The following PRKCE variants were observed in gnomAD, a reference collection of about 807,000 sequenced individuals.
PRKCE encodes protein kinase C epsilon type.
PRKCE carries 16 observed loss-of-function variants against 85.4 expected under a neutral mutation model. That is an observed-to-expected ratio of 0.19 (90% CI 0.13 to 0.28). The LOEUF (loss-of-function observed/expected upper bound fraction) is 0.28, where lower values mean the gene tolerates loss of function less well. PRKCE is among the 10% of genes least tolerant of loss of function. The pLI is 1.00. For missense variants in PRKCE, 573 were observed against 975.2 expected (o/e 0.59, Z 5.49); for synonymous variants, 388 against 371.5 (o/e 1.04, Z -0.51).
At chr2:46,181,593 A>C (rs1410954271) in intron 14 of PRKCE, among the ~76,000 whole-genome samples, 5 of 152,226 alleles carry the variant, frequency 3.3e-5, no homozygotes, top group African/African-American at 1.2e-4. Context: ...TCACAACAGC[A>C]AGTCGTGAAA....
intron 6 of PRKCE, among the ~76,000 whole-genome samples, chr2:45,992,284 G>T (rs767547863): frequency 6.6e-5 from 10 of 152,176 alleles, no homozygotes; most frequent in Admixed American, 6.5e-4. Flanking sequence ...TGAAAATTCA[G>T]TCTGAGCTTT....
intron 10 of PRKCE, among the ~76,000 whole-genome samples, chr2:46,058,771 C>T (rs1284000098): frequency 1.3e-5 from 2 of 152,230 alleles, no homozygotes; most frequent in Non-Finnish European, 2.9e-5. Flanking sequence ...ACACGGCTCA[C>T]TGCAGCCTCA....
At chr2:46,064,280 C>CAA (rs58347072) in intron 10 of PRKCE, among the ~76,000 whole-genome samples, 81 of 90,580 alleles carry the variant, frequency 8.9e-4, no homozygotes, top group East Asian at 1.4e-3. Flanking sequence ...GACTCTGTCT[C>CAA]AAAAAAAAAA....
chr2:45,708,495 G>T (rs1340971014), intron 1 of PRKCE, among the ~76,000 whole-genome samples: 1 of 152,146 alleles, frequency 6.6e-6, no homozygotes, highest in Non-Finnish European at 1.5e-5. Context: ...TTTATAAGGG[G>T]GAGTTTCCCT....
At chr2:45,715,119 A>G (rs751275079) in intron 1 of PRKCE, among the ~76,000 whole-genome samples, 1 of 152,252 alleles carries the variant, frequency 6.6e-6, no homozygotes, top group Non-Finnish European at 1.5e-5. Flanking sequence ...GGTTGAATGC[A>G]TAACTCATTC....
At chr2:45,856,419 C>T (rs544433577) in intron 2 of PRKCE, among the ~76,000 whole-genome samples, 4 of 152,174 alleles carry the variant, frequency 2.6e-5, no homozygotes, top group South Asian at 4.2e-4. Flanking sequence ...TTGGTAGAGA[C>T]GGATTTTCAC....
intron 14 of PRKCE, among the ~76,000 whole-genome samples, chr2:46,183,554 G>A (rs1473976801): frequency 6.6e-6 from 1 of 152,160 alleles, no homozygotes; most frequent in East Asian, 1.9e-4. Flanking sequence ...TCTGTGCTGT[G>A]GGGGAGAGGG....
intron 2 of PRKCE, among the ~76,000 whole-genome samples, chr2:45,919,565 C>T (rs1204723464): frequency 6.6e-6 from 1 of 152,244 alleles, no homozygotes; most frequent in Non-Finnish European, 1.5e-5. Flanking sequence ...ACGGCACATT[C>T]TGTGCTGTTT....
At chr2:45,655,353 A>ATT (rs66793925) in intron 1 of PRKCE, among the ~76,000 whole-genome samples, 81 of 145,258 alleles carry the variant, frequency 5.6e-4, no homozygotes, top group African/African-American at 1.7e-3. Context: ...GTTTTTTTGC[A>ATT]TTTTTTTTTT....
chr2:45,851,030 C>T (rs1471326048), intron 2 of PRKCE, among the ~76,000 whole-genome samples: 1 of 152,220 alleles, frequency 6.6e-6, no homozygotes, highest in Non-Finnish European at 1.5e-5. Context: ...ACTGGTAGGG[C>T]AGGGTGCTGT....
At chr2:45,685,769 C>T (rs1215351164) in intron 1 of PRKCE, among the ~76,000 whole-genome samples, 2 of 152,222 alleles carry the variant, frequency 1.3e-5, no homozygotes, top group Admixed American at 6.5e-5. Context: ...CTCAGGCTTT[C>T]GTGGACTGGG....
In PRKCE at chr2:45,747,844, C is replaced by G. The variant is rs141503414; in HGVS notation, c.349-95156C>G. Among the ~76,000 whole-genome samples the G allele has an allele frequency of 5.0e-3, 764 of 152,276 alleles. 4 individuals are homozygous for G. The highest frequency in any genetic ancestry group is 0.018 in the African/African-American group (729 of 41,552). On this transcript the variant is annotated intron_variant, in intron 1 of 14. Transcript: ENST00000306156. Reference sequence around the variant, plus strand: ...TGACAATGCACAAGGGTTCTAATTTCTCCACATCCTCACCAACACTTAGTC... The same window carrying G: ...TGACAATGCACAAGGGTTCTAATTTGTCCACATCCTCACCAACACTTAGTC...
intron 2 of PRKCE, among the ~76,000 whole-genome samples, chr2:45,943,213 A>C (rs1348603798): frequency 6.6e-6 from 1 of 152,242 alleles, no homozygotes; most frequent in African/African-American, 2.4e-5. Flanking sequence ...GTTAAAGGAC[A>C]CAATTAAATA....
intron 2 of PRKCE, among the ~76,000 whole-genome samples, chr2:45,927,655 A>C (rs1482805751): frequency 1.1e-4 from 16 of 152,216 alleles, no homozygotes; most frequent in Admixed American, 1.0e-3. Context: ...GGAGGATTTC[A>C]TCTCCAGAAC....
intron 1 of PRKCE, among the ~76,000 whole-genome samples, chr2:45,703,019 T>G (rs1379530912): frequency 3.2e-5 from 4 of 123,896 alleles, no homozygotes; most frequent in Non-Finnish European, 5.2e-5. Context: ...GAAAGCCTTT[T>G]TTCCCCCCCC....
intron 2 of PRKCE, among the ~76,000 whole-genome samples, chr2:45,897,059 C>T (rs541108089): frequency 1.3e-5 from 2 of 152,232 alleles, no homozygotes; most frequent in South Asian, 2.1e-4. Flanking sequence ...GCATGGGTGA[C>T]AGAACAAGAT....
rs1432502666 is a variant in PRKCE, at chr2:46,159,137, T to TA, written c.1921-468dup. ...TACATTTGATCATTTACCTGGTCCT[T>TA]ATTCCTTATCTCAAAAAGGACCGTT... On this transcript the variant is annotated intron_variant, in intron 13 of 14. Transcript: ENST00000306156. The surrounding 1 kb of genome is among the most constrained non-coding windows in gnomAD (Gnocchi z 4.1). Among the ~76,000 whole-genome samples the TA allele has an allele frequency of 1.3e-5, 2 of 152,186 alleles. No homozygotes were observed. Among genetic ancestry groups the TA allele is most frequent in the Non-Finnish European group, 2.9e-5 (2 of 68,020 alleles).
rs79806956 is a variant in PRKCE, at chr2:45,907,538, G to A, written c.412+64475G>A. Reference sequence around the variant, plus strand: ...CATCGCAGGCCCTGTTCATCTCTCCGGGCAGTGGCATAGCAGGCAGTGAGC... The same window carrying A: ...CATCGCAGGCCCTGTTCATCTCTCCAGGCAGTGGCATAGCAGGCAGTGAGC... On this transcript the variant is annotated intron_variant, in intron 2 of 14. Transcript: ENST00000306156. The surrounding 1 kb of genome is among the most constrained non-coding windows in gnomAD (Gnocchi z 4.5). Among the ~76,000 whole-genome samples the A allele has an allele frequency of 0.053, 8,094 of 152,256 alleles. 248 individuals carry two copies. Among genetic ancestry groups the A allele is most frequent in the African/African-American group, 0.083 (3,469 of 41,546 alleles).
At chr2:46,171,207 G>A (rs1410472253) in intron 14 of PRKCE, among the ~76,000 whole-genome samples, 1 of 152,188 alleles carries the variant, frequency 6.6e-6, no homozygotes, top group African/African-American at 2.4e-5. Context: ...GCCAGGGCAG[G>A]CAGGGTACTG....
Sources: gnomAD v4.1 joint callset for allele counts (sites outside exome capture counted in the v4.1 genomes callset) on GRCh38, gnomAD v4.1.1 for gene constraint, Gnocchi (gnomAD v3.1) non-coding constraint, MANE v1.5 for transcripts, NCBI Gene and HGNC (gene_info 2026-07-23, HGNC 2026-07-21) for gene names.